Variants in MYCBPAP observed in about 807,000 individuals in gnomAD.
MYCBPAP encodes MYCBP-associated protein.
MYCBPAP carries 60 observed loss-of-function variants against 106.1 expected under a neutral mutation model. The observed-to-expected ratio is 0.57, with a 90% CI of 0.46 to 0.70. The LOEUF is 0.70. MYCBPAP is among the 30% of genes least tolerant of loss of function. The pLI, the probability that MYCBPAP is intolerant of heterozygous loss-of-function variation, is 0.00. For missense variants in MYCBPAP, 1,064 were observed against 1,169.3 expected (o/e 0.91, Z 1.31); for synonymous variants, 407 against 440.6 (o/e 0.92, Z 0.95).
intron 1 of MYCBPAP, among the ~76,000 whole-genome samples, chr17:50,515,376 G>A (rs560879578): frequency 6.7e-6 from 1 of 150,350 alleles, no homozygotes; most frequent in East Asian, 1.9e-4. Context: ...TGCCTGGCAT[G>A]TAGAAGCTGC....
intron 13 of MYCBPAP, 75 bp downstream of exon 13, chr17:50,525,098 C>A (rs182508018): frequency 1.3e-6 from 2 of 1,535,590 alleles, no homozygotes; most frequent in East Asian, 4.5e-5. Context: ...GGCCGCACAG[C>A]GGCAGGTGAG....
At chr17:50,528,624 T>C (rs1230126132) in intron 16 of MYCBPAP, 71 bp from the exon 17 acceptor site, 2 of 1,568,522 alleles carry the variant, frequency 1.3e-6, no homozygotes, top group South Asian at 1.2e-5. Flanking sequence ...CCCTCAAGCC[T>C]CCTCACGTAC....
intron 18 of MYCBPAP, chr17:50,529,745 T>A (rs756900727): frequency 1.8e-5 from 8 of 456,578 alleles, no homozygotes; most frequent in South Asian, 1.1e-4. Context: ...GAAGCCCTTC[T>A]CTTTCTTACT....
Position 50,531,196 on chromosome 17 carries a change from T to C in MYCBPAP, c.2725-131T>C, listed in dbSNP as rs528785300. ...AACCAAAAATTATTTCACAAGAACT[T>C]TGAACTTGTGAAATTCTTTCACAAA... On this transcript the variant is annotated intron_variant, in intron 18 of 18. Coordinates refer to ENST00000323776, the MANE Select transcript of MYCBPAP (RefSeq NM_032133.6). 282 of 614,164 alleles carry C rather than the reference T, an allele frequency of 4.6e-4. 2 individuals are homozygous for C. The highest frequency in any genetic ancestry group is 3.8e-4 in the Middle Eastern group (1 of 2,604). 38.0% of individuals were successfully genotyped at this position (614,164 alleles called of 1,614,324 possible).
rs1212340487 is a variant in MYCBPAP at position 50,517,286 on chromosome 17, T to C, written c.205-7T>C. 1.2e-6 allele frequency: 2 copies of C among 1,613,952 alleles called. No homozygotes were observed. Among genetic ancestry groups the C allele is most frequent in the East Asian group, 2.2e-5 (1 of 44,888 alleles). ...GTGGAATTCTCCTTTGTTTTATTTC[T>C]TTTTAGCAACACATTCCTCGCCTTA... On this transcript the variant is annotated splice_region_variant and splice_polypyrimidine_tract_variant and intron_variant, in intron 2 of 18. Coordinates refer to ENST00000323776, the MANE Select transcript of MYCBPAP (RefSeq NM_032133.6).
At chr17:50,508,271 G>C (rs904393436), upstream of MYCBPAP, 2 of 367,856 alleles carry the variant, frequency 5.4e-6, no homozygotes, top group East Asian at 1.1e-4. Context: ...CCTAGCAGCA[G>C]GGCGGGGCGA....
chr17:50,528,360 C>T, intron 16 of MYCBPAP, 90 bp downstream of exon 16: 1 of 1,141,356 alleles, frequency 8.8e-7, no homozygotes, highest in South Asian at 1.4e-5. Flanking sequence ...AGTCATACTC[C>T]TTTGGTGGAA....
chr17:50,531,406 A>G lies in MYCBPAP; in HGVS notation c.2804A>G (p.Glu935Gly). 6.2e-7 allele frequency: 1 copy of G among 1,613,034 alleles called. No individual in the cohort carries two copies. The highest frequency in any genetic ancestry group is 1.1e-5 in the South Asian group (1 of 90,744). The change falls in exon 19 of 19, where the codon GAG (glutamate) becomes GGG (glycine). Residue 935 changes from glutamate to glycine, a missense_variant. Physicochemically the swap from Glu to Gly is moderately conservative, Grantham distance 98. Coordinates refer to ENST00000323776, the MANE Select transcript of MYCBPAP (RefSeq NM_032133.6). ...CTCAGCCCCATAAAGAATGTCGAGG[A>G]GGCTTTGCGCCTCTGCAGGTGACTC... The part of the protein sequence containing the change: ...DELSPIKNVE[E>G]ALRLCR
chr17:50,509,917 T>G (rs1229066666), intron 1 of MYCBPAP: 1 of 152,146 alleles, frequency 6.6e-6, no homozygotes, highest in Non-Finnish European at 1.5e-5. Flanking sequence ...TAGGGGTACG[T>G]CTTCTGAAGA....
At chr17:50,529,351 C>T in intron 18 of MYCBPAP, 163 bp downstream of exon 18, 1 of 656,288 alleles carries the variant, frequency 1.5e-6, no homozygotes, top group South Asian at 2.0e-5. Context: ...AGGAATGCGC[C>T]TAGCATGTTA....
intron 10 of MYCBPAP, 161 bp downstream of exon 10, chr17:50,522,242 C>A: frequency 1.8e-6 from 1 of 556,664 alleles, no homozygotes; most frequent in Non-Finnish European, 3.2e-6. Flanking sequence ...CTGACTTGAG[C>A]AAGAATAAAA....
In MYCBPAP at chr17:50,521,929, C is replaced by T. The variant is rs773511199; in HGVS notation, c.1149-44C>T. 1.9e-6 allele frequency: 3 copies of T among 1,574,890 alleles called. No homozygotes were observed. In the South Asian group the frequency reaches 3.3e-5, roughly 17 times the overall value. On this transcript the variant is annotated intron_variant, in intron 9 of 18. Coordinates refer to ENST00000323776, the MANE Select transcript of MYCBPAP (RefSeq NM_032133.6). ...TTCTGTGGGGTTCCACATGGCATGA[C>T]TGTGGCAGCCTAAGAGAAAATAAGT...
chr17:50,521,427 T>A lies in MYCBPAP; in HGVS notation c.1144T>A (p.Tyr382Asn). ...SQGSSSEDTAYLGTLASSSDV... is the reference protein window; with the variant it reads ...SQGSSSEDTANLGTLASSSDV... ...GGGAAGCTCCTCTGAAGACACAGCATACTTGTGAGTGCAGCCTGAACCCTG... is the reference window on the plus strand; with the variant it reads ...GGGAAGCTCCTCTGAAGACACAGCAAACTTGTGAGTGCAGCCTGAACCCTG... Residue 382 changes from tyrosine (Y) to asparagine (N), a missense_variant, in exon 9 of 19, where the codon TAC becomes AAC. Coordinates refer to ENST00000323776, the MANE Select transcript of MYCBPAP (RefSeq NM_032133.6). The A allele has an allele frequency of 6.3e-7, 1 of 1,581,490 alleles. No homozygotes were observed. Among genetic ancestry groups the A allele is most frequent in the Non-Finnish European group, 8.6e-7 (1 of 1,159,534 alleles).
rs972336131 is a variant in MYCBPAP, at chr17:50,508,510, G to C, written c.-165G>C. The C allele has an allele frequency of 3.3e-6, 5 of 1,529,196 alleles. No individual in the cohort carries two copies. Among genetic ancestry groups the C allele is most frequent in the Admixed American group, 2.2e-5 (1 of 44,742 alleles). 94.7% of individuals were successfully genotyped at this position (1,529,196 alleles called of 1,614,324 possible). ...GCGTGCGCGGCCCGATGAAGAAGGA[G>C]GTTTCCAAGCCGTCTCCGCCCAAGT... is the stretch of plus-strand genomic sequence containing the variant. On this transcript the variant is annotated 5_prime_UTR_variant, in exon 1 of 19. Transcript: ENST00000323776.
At position 50,529,076 on chromosome 17, in the gene MYCBPAP, C is replaced by T. The variant is rs149104006; in HGVS notation, c.2612C>T (p.Ala871Val). The T allele has an allele frequency of 1.4e-4, 221 of 1,614,050 alleles. No homozygotes were observed. The highest frequency in any genetic ancestry group is 1.8e-4 in the Non-Finnish European group (215 of 1,180,046). Reference sequence around the variant, plus strand: ...GATGACAAGAAAGTCATAAAATCTGCAAGTCAGGACAGGTTTTCTTTGGAA... The same window carrying T: ...GATGACAAGAAAGTCATAAAATCTGTAAGTCAGGACAGGTTTTCTTTGGAA... ...AKDDKKVIKS[A>V]SQDRFSLEDP... The change falls in exon 18 of 19, where the codon GCA (alanine) becomes GTA (valine). Residue 871 changes from alanine to valine, a missense_variant. Transcript: ENST00000323776.
Position 50,524,998 on chromosome 17 carries a change from A to T in MYCBPAP, c.1757A>T (p.Asp586Val), listed in dbSNP as rs909955145. 1.2e-6 allele frequency: 2 copies of T among 1,613,380 alleles called. No homozygotes were observed. Among genetic ancestry groups the T allele is most frequent in the Non-Finnish European group, 1.7e-6 (2 of 1,179,728 alleles). ...SPVDAYLTEE[D>V]LFRHRNPPLH... The stretch of plus-strand genomic sequence containing the variant: ...GTGGATGCCTATCTCACCGAGGAAG[A>T]CTTGTTCCGGCACAGAAATCCTCCG... Residue 586 changes from aspartate (D) to valine (V), a missense_variant, in exon 13 of 19, where the codon GAC (aspartate) becomes GTC (valine). By Grantham distance (152) the Asp-to-Val change is radical. Transcript: ENST00000323776.
At position 50,519,989 on chromosome 17, in the gene MYCBPAP, A is replaced by G. The variant is rs182750467; in HGVS notation, c.916+202A>G. 182 of 570,350 alleles carry G rather than the reference A, an allele frequency of 3.2e-4. 1 individual carries two copies. The highest frequency in any genetic ancestry group is 2.8e-3 in the African/African-American group (151 of 53,028). The allele number at this position is 570,350 out of a possible 1,614,324, so 35.3% of individuals were successfully genotyped here. A position where few individuals can be genotyped will look rare whatever the true frequency, so the allele number is the denominator to read the frequency against. ...TCTTCAGTAAAACGGTGAGAGAGCT[A>G]GGAAACTGGAGTGCAGCCATAGAGC... On this transcript the variant is annotated intron_variant, in intron 7 of 18. Transcript: ENST00000323776.
In MYCBPAP at chr17:50,529,231, G is replaced by T. The variant is rs367691642; in HGVS notation, c.2724+43G>T. On this transcript the variant is annotated intron_variant, in intron 18 of 18. Transcript: ENST00000323776. Reference sequence around the variant, plus strand: ...GCAGCCATTCCCCTGCCTCCCACCTGCCTTATTCATTCCGTTCAGTCTGCA... The same window carrying T: ...GCAGCCATTCCCCTGCCTCCCACCTTCCTTATTCATTCCGTTCAGTCTGCA... 288 of 1,573,528 alleles carry T rather than the reference G, an allele frequency of 1.8e-4. 2 individuals carry two copies. The African/African-American group carries it at 3.4e-3, about 19-fold the overall frequency.
chr17:50,510,497 G>GTATATATA (rs1270955072), intron 1 of MYCBPAP: 1,380 of 88,938 alleles, frequency 0.016, 15 homozygotes, highest in Non-Finnish European at 0.024. Context: ...GTGTGTGTGT[G>GTATATATA]TGTATATATA....
Sources: allele counts gnomAD v4.1 joint callset (sites outside exome capture counted in the v4.1 genomes callset), GRCh38; gene constraint gnomAD v4.1.1; transcripts MANE v1.5; gene names NCBI Gene and HGNC (gene_info 2026-07-23, HGNC 2026-07-21).